The following TMEM182 variants were observed in gnomAD, a reference collection of about 807,000 sequenced individuals.
TMEM182 encodes the protein transmembrane protein 182.
A neutral mutation model predicts 26.8 loss-of-function variants in TMEM182; 20 were observed. The observed-to-expected ratio is 0.75, with a 90% CI of 0.53 to 1.09. The LOEUF is 1.09. TMEM182 is among the 50% of genes least tolerant of loss of function. The pLI is 0.00. For synonymous variants in TMEM182, 109 were observed against 102.2 expected (o/e 1.07, Z -0.40); for missense variants, 277 against 275.5 (o/e 1.01, Z -0.04).
intron 3 of TMEM182, among the ~76,000 whole-genome samples, chr2:102,768,484 G>C (rs1331883477): frequency 2.0e-5 from 3 of 151,000 alleles, no homozygotes; most frequent in African/African-American, 4.9e-5. Flanking sequence ...AGGTCAGTTA[G>C]AGACCAGCCT....
intron 3 of TMEM182, among the ~76,000 whole-genome samples, chr2:102,774,250 CTTTT>C (rs774047240): frequency 0.012 from 1,108 of 96,102 alleles, 7 homozygotes; most frequent in African/African-American, 0.016. Context: ...TTCTTTCTTT[CTTTT>C]TTTTTTTTTT....
chr2:102,834,353 A>G (rs1461520467), intron 3 of TMEM182: 2 of 983,990 alleles, frequency 2.0e-6, no homozygotes, highest in East Asian at 1.1e-4. Flanking sequence ...GTATATTGTA[A>G]CATTTCCCTT....
chr2:102,808,614 A>G (rs1432222889), intron 4 of TMEM182, among the ~76,000 whole-genome samples: 1 of 152,248 alleles, frequency 6.6e-6, no homozygotes, highest in Non-Finnish European at 1.5e-5. Flanking sequence ...AATTTCATGT[A>G]TGAGTTAGAA....
At chr2:102,805,458 A>G (rs1682310078) in intron 4 of TMEM182, among the ~76,000 whole-genome samples, 1 of 152,138 alleles carries the variant, frequency 6.6e-6, no homozygotes, top group Admixed American at 6.5e-5. Flanking sequence ...TTGTCCACCC[A>G]ACCTCCAACC....
intron 3 of TMEM182, among the ~76,000 whole-genome samples, chr2:102,827,964 G>T (rs564822433): frequency 6.6e-6 from 1 of 152,190 alleles, no homozygotes; most frequent in East Asian, 1.9e-4. Context: ...GATTGTGGGC[G>T]CCTGTAATCC....
At chr2:102,758,736 C>T (rs1191049301), upstream of TMEM182, among the ~76,000 whole-genome samples, 1 of 152,128 alleles carries the variant, frequency 6.6e-6, no homozygotes, top group Non-Finnish European at 1.5e-5. Context: ...CTGTTGTGTG[C>T]CAAGTCCTAT....
chr2:102,779,407 C>T (rs1005385200), intron 3 of TMEM182, among the ~76,000 whole-genome samples: 1 of 152,094 alleles, frequency 6.6e-6, no homozygotes, highest in Non-Finnish European at 1.5e-5. Context: ...TCCTTGAATA[C>T]TTTTTCAGCC....
chr2:102,810,680 G>A (rs1682523929), intron 4 of TMEM182, among the ~76,000 whole-genome samples: 1 of 151,948 alleles, frequency 6.6e-6, no homozygotes, highest in African/African-American at 2.4e-5. Flanking sequence ...CATGGATTCG[G>A]GGCTGGGTTT....
chr2:102,793,643 A>G (rs929099126), intron 3 of TMEM182, among the ~76,000 whole-genome samples: 11 of 152,200 alleles, frequency 7.2e-5, no homozygotes, highest in Non-Finnish European at 1.5e-4. Flanking sequence ...AATCATCTCT[A>G]AATTACTTCT....
chr2:102,786,765 A>G (rs1162262928), intron 3 of TMEM182, among the ~76,000 whole-genome samples: 2 of 152,094 alleles, frequency 1.3e-5, no homozygotes, highest in Non-Finnish European at 2.9e-5. Context: ...TTGATTCTCT[A>G]CTTACTCATA....
intron 4 of TMEM182, among the ~76,000 whole-genome samples, chr2:102,806,519 A>G (rs1274645998): frequency 1.3e-5 from 2 of 152,194 alleles, no homozygotes; most frequent in Non-Finnish European, 2.9e-5. Flanking sequence ...AAATCTCAGG[A>G]CTGGAAGACA....
At chr2:102,813,004 G>A (rs1682609706) in intron 4 of TMEM182, among the ~76,000 whole-genome samples, 1 of 152,184 alleles carries the variant, frequency 6.6e-6, no homozygotes, top group African/African-American at 2.4e-5. Flanking sequence ...CTTGCAGGCT[G>A]TGGCTTTACT....
At position 102,774,408 on chromosome 2, in the gene TMEM182, A is replaced by G. The variant is rs1573517374; in HGVS notation, c.331+9981A>G. Among the ~76,000 whole-genome samples the G allele has an allele frequency of 2.0e-5, 3 of 150,528 alleles. No homozygotes were observed. The South Asian group carries it at 6.3e-4, about 32-fold the overall frequency. ...GTAGCCGGGATTACAGGTGCATGCCACCATGCCTGGCTAATTTTTTTTTTT... is the reference window on the plus strand; with the variant it reads ...GTAGCCGGGATTACAGGTGCATGCCGCCATGCCTGGCTAATTTTTTTTTTT... On this transcript the variant is annotated intron_variant, in intron 3 of 4. Transcript: ENST00000412401.
At chr2:102,756,339 G>A (rs559259387) in intron 1 of TMEM182, among the ~76,000 whole-genome samples, 14 of 152,226 alleles carry the variant, frequency 9.2e-5, no homozygotes, top group East Asian at 3.9e-4. Flanking sequence ...TAGAAACACC[G>A]CTCATTTGAC....
intron 4 of TMEM182, among the ~76,000 whole-genome samples, chr2:102,812,858 C>T (rs941249950): frequency 6.6e-6 from 1 of 152,174 alleles, no homozygotes; most frequent in Non-Finnish European, 1.5e-5. Flanking sequence ...AATGCCTAAG[C>T]CAAACCTTTA....
chr2:102,755,148 G>T (rs1174204996), intron 1 of TMEM182, among the ~76,000 whole-genome samples: 1 of 152,102 alleles, frequency 6.6e-6, no homozygotes, highest in Non-Finnish European at 1.5e-5. Flanking sequence ...TCCAAATGAA[G>T]TTATGACTGA....
intron 3 of TMEM182, among the ~76,000 whole-genome samples, chr2:102,783,195 C>G (rs1264818181): frequency 1.3e-5 from 2 of 152,010 alleles, no homozygotes; most frequent in African/African-American, 4.8e-5. Context: ...AAAATGAAAC[C>G]CCCTCCTAAA....
intron 4 of TMEM182, among the ~76,000 whole-genome samples, chr2:102,807,651 T>A (rs865833035): frequency 2.1e-4 from 32 of 152,288 alleles, no homozygotes; most frequent in African/African-American, 7.5e-4. Flanking sequence ...GTGGCAAATT[T>A]CCCTTTTCCC....
At chr2:102,795,371 C>A (rs931910453) in intron 3 of TMEM182, among the ~76,000 whole-genome samples, 1 of 152,114 alleles carries the variant, frequency 6.6e-6, no homozygotes, top group Non-Finnish European at 1.5e-5. Context: ...TGTCAAAATT[C>A]AAAGTGTTAA....
Sources: allele counts gnomAD v4.1 joint callset (sites outside exome capture counted in the v4.1 genomes callset), GRCh38; gene constraint gnomAD v4.1.1; transcripts MANE v1.5; gene names NCBI Gene and HGNC (gene_info 2026-07-23, HGNC 2026-07-21).